Variants in JADE2 observed in about 807,000 individuals in gnomAD.
JADE2 encodes jade family PHD finger 2.
In JADE2, 13 loss-of-function variants were observed where a neutral mutation model predicts 85.7. That is an observed-to-expected ratio of 0.15 (90% CI 0.10 to 0.24). The LOEUF (loss-of-function observed/expected upper bound fraction) is 0.24. Among genes scored for constraint, JADE2 ranks in the 10% least tolerant of loss-of-function variants. The pLI is 1.00. For synonymous variants in JADE2, 440 were observed against 456.1 expected, an observed-to-expected ratio of 0.96 and a Z score of 0.45; for missense variants, 846 against 1,115.9, an observed-to-expected ratio of 0.76 and a Z score of 3.45.
Position 134,563,258 on chromosome 5 carries a change from C to T in JADE2, c.852+891C>T, listed in dbSNP as rs1046965356. Among the ~76,000 whole-genome samples, 6 of 151,000 alleles carry T rather than the reference C, an allele frequency of 4.0e-5. 1 individual carries two copies. Among genetic ancestry groups the T allele is most frequent in the African/African-American group, 1.5e-4 (6 of 41,006 alleles). On this transcript the variant is annotated intron_variant, in intron 7 of 11. Transcript: ENST00000681547. ...ACTTGAACCCGAGAGACAGAGATTGCAGTGAGCCGAGATCGCGCCACTGCA... is the reference window on the plus strand; with the variant it reads ...ACTTGAACCCGAGAGACAGAGATTGTAGTGAGCCGAGATCGCGCCACTGCA...
intron 1 of JADE2, among the ~76,000 whole-genome samples, chr5:134,527,064 C>T (rs1760886170): frequency 6.6e-6 from 1 of 152,182 alleles, no homozygotes; most frequent in Non-Finnish European, 1.5e-5. Context: ...TGTGGCGGAC[C>T]CCGTTTGGGA....
intron 9 of JADE2, among the ~76,000 whole-genome samples, chr5:134,567,969 G>A (rs187142137): frequency 6.6e-6 from 1 of 152,332 alleles, no homozygotes; most frequent in East Asian, 1.9e-4. Flanking sequence ...GGCATCAGGT[G>A]TAAGACCTTC....
intron 2 of JADE2, among the ~76,000 whole-genome samples, chr5:134,537,476 G>GGC (rs33973288): frequency 0.28 from 42,668 of 152,060 alleles, 6,431 homozygotes; most frequent in Admixed American, 0.39. Flanking sequence ...AACAAACTAA[G>GGC]GCTCAGCAAG....
intron 2 of JADE2, 80 bp from the exon 3 acceptor site, chr5:134,537,909 A>G: frequency 9.7e-7 from 1 of 1,031,932 alleles, no homozygotes; most frequent in Non-Finnish European, 1.5e-6. Context: ...GGCTTTGCTT[A>G]GAAGCTTCCT....
Position 134,534,677 on chromosome 5 carries a change from G to C in JADE2, c.1-1181G>C, listed in dbSNP as rs78133351. On this transcript the variant is annotated intron_variant, in intron 1 of 11. Transcript: ENST00000681547. Reference sequence around the variant, plus strand: ...TTGGGGGCAGCTGGAGTTAGGTGCAGATGGGCTGGGCAGTGGGGCTTTCTC... The same window carrying C: ...TTGGGGGCAGCTGGAGTTAGGTGCACATGGGCTGGGCAGTGGGGCTTTCTC... Among the ~76,000 whole-genome samples, 820 of 152,326 alleles carry C rather than the reference G, an allele frequency of 5.4e-3. 6 individuals are homozygous for C. Among genetic ancestry groups the C allele is most frequent in the African/African-American group, 0.019 (788 of 41,572 alleles).
At chr5:134,535,063 T>C (rs1761498583) in intron 1 of JADE2, among the ~76,000 whole-genome samples, 1 of 152,194 alleles carries the variant, frequency 6.6e-6, no homozygotes, top group Admixed American at 6.5e-5. Context: ...CTGGCCTCAC[T>C]TGTAAATGGA....
chr5:134,563,572 C>T (rs1336828927), intron 7 of JADE2, among the ~76,000 whole-genome samples: 1 of 152,210 alleles, frequency 6.6e-6, no homozygotes. Flanking sequence ...TGGACTGACT[C>T]AGATTGAGGC....
chr5:134,548,558 T>C (rs1316525957), intron 3 of JADE2, among the ~76,000 whole-genome samples: 1 of 152,228 alleles, frequency 6.6e-6, no homozygotes, highest in African/African-American at 2.4e-5. Context: ...TCCTGCCTGC[T>C]AGAGCCCGTA....
chr5:134,529,769 C>T (rs1387199915), intron 1 of JADE2, among the ~76,000 whole-genome samples: 3 of 152,166 alleles, frequency 2.0e-5, no homozygotes, highest in Admixed American at 6.5e-5. Flanking sequence ...AATAGGCAGC[C>T]GATATGGGAG....
At chr5:134,565,716 C>G (rs574237011) in intron 8 of JADE2, among the ~76,000 whole-genome samples, 1 of 151,986 alleles carries the variant, frequency 6.6e-6, no homozygotes, top group South Asian at 2.1e-4. Flanking sequence ...GCCTGTAGCC[C>G]TAGCTACTTG....
At chr5:134,527,433 C>G (rs1357165902) in intron 1 of JADE2, among the ~76,000 whole-genome samples, 1 of 152,082 alleles carries the variant, frequency 6.6e-6, no homozygotes, top group Non-Finnish European at 1.5e-5. Context: ...GCCAGGAAGG[C>G]TTCACTCTAG....
At chr5:134,545,679 A>T (rs1197877782) in intron 3 of JADE2, among the ~76,000 whole-genome samples, 1 of 152,144 alleles carries the variant, frequency 6.6e-6, no homozygotes, top group Non-Finnish European at 1.5e-5. Context: ...TCTGAATCTC[A>T]GTCTCCACAT....
intron 2 of JADE2, among the ~76,000 whole-genome samples, chr5:134,537,014 G>A (rs12658795): frequency 0.21 from 32,043 of 152,108 alleles, 3,674 homozygotes; most frequent in East Asian, 0.4. Flanking sequence ...TGGCTCTGGC[G>A]TCCCACCTGG....
rs1219210646 is a variant in JADE2 at position 134,529,347 on chromosome 5, A to G, written c.-1+3336A>G. 3.3e-5 allele frequency among the ~76,000 whole-genome samples: 5 copies of G among 152,196 alleles called. No homozygotes were observed. The East Asian group carries it at 5.8e-4, about 18-fold the overall frequency. ...GCTCAAAGCTCCTTTCAGACAGCCCATAGGAATCTAGAATACCCATACCCT... is the reference window on the plus strand; with the variant it reads ...GCTCAAAGCTCCTTTCAGACAGCCCGTAGGAATCTAGAATACCCATACCCT... On this transcript the variant is annotated intron_variant, in intron 1 of 11. Coordinates refer to ENST00000681547, the MANE Select transcript of JADE2 (RefSeq NM_001388185.1).
rs893031772 is a variant in JADE2, at chr5:134,562,130, T to G, written c.685-70T>G. The G allele has an allele frequency of 2.7e-5, 40 of 1,484,768 alleles. No individual in the cohort carries two copies. The highest frequency in any genetic ancestry group is 3.7e-5 in the Non-Finnish European group (40 of 1,095,750). 92.0% of individuals were successfully genotyped at this position (1,484,768 alleles called of 1,614,324 possible). A position where few individuals can be genotyped will look rare whatever the true frequency, so the allele number is the denominator to read the frequency against. ...AGCATGGGGCTGGCACTGGACCAAA[T>G]GCAGCTGACTGCTGACCAGACACAG... On this transcript the variant is annotated intron_variant, in intron 6 of 11. Transcript: ENST00000681547. This position sits in a 1 kb window ranked among gnomAD's most constrained non-coding sequence, Gnocchi z 4.6.
At chr5:134,551,193 C>T (rs571024049) in intron 3 of JADE2, among the ~76,000 whole-genome samples, 3 of 150,382 alleles carry the variant, frequency 2.0e-5, no homozygotes, top group African/African-American at 4.9e-5. Context: ...TGAACAGTCA[C>T]GTAATGGCAG....
In JADE2 at chr5:134,566,706, C is replaced by T. The variant is rs1020744893; in HGVS notation, c.1434+126C>T. 4.0e-6 allele frequency: 3 copies of T among 750,862 alleles called. No homozygotes were observed. The highest frequency in any genetic ancestry group is 6.3e-6 in the Non-Finnish European group (3 of 473,542). The allele number at this position is 750,862 out of a possible 1,614,324, so 46.5% of individuals were successfully genotyped here. ...CAAACTGTGAGCTCTGGTGGACCGG[C>T]CCTGCTGCAGGAGCCTGCCAAGGGG... On this transcript the variant is annotated intron_variant, in intron 9 of 11. Transcript: ENST00000681547. This position sits in a 1 kb window ranked among gnomAD's most constrained non-coding sequence, Gnocchi z 6.7.
Position 134,526,002 on chromosome 5 carries a change from G to A in JADE2, c.-10G>A, listed in dbSNP as rs968036092. 2 of 985,428 alleles carry A rather than the reference G, an allele frequency of 2.0e-6. No homozygotes were observed. Among genetic ancestry groups the A allele is most frequent in the East Asian group, 1.1e-4 (1 of 8,790 alleles). 61.0% of individuals were successfully genotyped at this position (985,428 alleles called of 1,614,324 possible). On this transcript the variant is annotated 5_prime_UTR_variant, in exon 1 of 12. Transcript: ENST00000681547. ...GGGCAGCGCCCGTCAGGGGGGCACC[G>A]CGGAGCAAGGTAAGATCCAGCCCCC... is the stretch of plus-strand genomic sequence containing the variant.
At chr5:134,534,803 A>G (rs1010432362) in intron 1 of JADE2, among the ~76,000 whole-genome samples, 1 of 152,176 alleles carries the variant, frequency 6.6e-6, no homozygotes, top group East Asian at 1.9e-4. Context: ...GTGTTCCCAC[A>G]TTAGGACTCA....
Sources: gnomAD v4.1 joint callset for allele counts (sites outside exome capture counted in the v4.1 genomes callset) on GRCh38, gnomAD v4.1.1 for gene constraint, Gnocchi (gnomAD v3.1) non-coding constraint, MANE v1.5 for transcripts, NCBI Gene and HGNC (gene_info 2026-07-23, HGNC 2026-07-21) for gene names.